Variants in PTMS observed in about 807,000 individuals in gnomAD.
The protein encoded by PTMS is parathymosin.
In PTMS, 5 loss-of-function variants were observed where a neutral mutation model predicts 18.4. The observed-to-expected ratio is 0.27, with a 90% CI of 0.14 to 0.57. The LOEUF (loss-of-function observed/expected upper bound fraction) is 0.57. Among genes scored for constraint, PTMS ranks in the 20% least tolerant of loss-of-function variants. PTMS has a pLI of 0.92. For synonymous variants in PTMS, 53 were observed against 47.7 expected, an observed-to-expected ratio of 1.11 and a Z score of -0.46; for missense variants, 93 against 124.6, an observed-to-expected ratio of 0.75 and a Z score of 1.21.
chr12:6,770,395 G>A lies in PTMS; in HGVS notation c.262G>A (p.Glu88Lys), dbSNP rs759424809. The A allele has an allele frequency of 1.9e-5, 31 of 1,613,298 alleles. No homozygotes were observed. The highest frequency in any genetic ancestry group is 2.6e-5 in the Non-Finnish European group (31 of 1,179,898). ...ALKRAAEEED[E>K]ADPKRQKTEN... is the part of the protein sequence containing the mutation. ...CCCATTCTCTCCCTCTCCACAGGAT[G>A]AAGCGGATCCCAAACGGCAGAAGAC... The change falls in exon 5 of 5, where the codon GAA (glutamate) becomes AAA (lysine). Residue 88 changes from glutamate (E) to lysine (K), a missense_variant. Physicochemically the swap from Glu to Lys is moderately conservative, Grantham distance 56 (BLOSUM62 1). Transcript: ENST00000309083. This position sits in a 1 kb window ranked among gnomAD's most constrained non-coding sequence, Gnocchi z 7.3.
intron 1 of PTMS, among the ~76,000 whole-genome samples, chr12:6,768,519 C>A (rs765686085): frequency 6.6e-6 from 1 of 152,166 alleles, no homozygotes; most frequent in Non-Finnish European, 1.5e-5. Context: ...AGGACCCCCC[C>A]GCCCAGGGTG....
chr12:6,766,957 G>A (rs1373091847), intron 1 of PTMS, among the ~76,000 whole-genome samples: 1 of 151,406 alleles, frequency 6.6e-6, no homozygotes, highest in Non-Finnish European at 1.5e-5. Flanking sequence ...TGCCCTGCGC[G>A]CACCACGGCG....
chr12:6,768,851 C>T (rs927584456), intron 1 of PTMS, among the ~76,000 whole-genome samples: 1 of 152,148 alleles, frequency 6.6e-6, no homozygotes, highest in African/African-American at 2.4e-5. Context: ...TTGTTTGTTG[C>T]TCTCTCCTTG....
At position 6,770,246 on chromosome 12, in the gene PTMS, G is replaced by T. The variant is rs760372682; in HGVS notation, c.258+28G>T. 1 of 1,613,740 alleles carries T rather than the reference G, an allele frequency of 6.2e-7. No individual in the cohort carries two copies. Among genetic ancestry groups the T allele is most frequent in the South Asian group, 1.1e-5 (1 of 91,070 alleles). On this transcript the variant is annotated intron_variant, in intron 4 of 4. Transcript: ENST00000309083. The surrounding 1 kb of genome is among the most constrained non-coding windows in gnomAD (Gnocchi z 7.3). ...TTGGGCTGGGTTGCTGGGCCTGAGG[G>T]GCTGTCAGGGATGCAGCCGGGCTGG...
At position 6,770,588 on chromosome 12, in the gene PTMS, C is replaced by T; in HGVS notation, c.*146C>T. 4.3e-6 allele frequency: 4 copies of T among 932,236 alleles called. No individual in the cohort carries two copies. The South Asian group carries it at 6.1e-5, about 14-fold the overall frequency. The allele number at this position is 932,236 out of a possible 1,614,324, so 57.7% of individuals were successfully genotyped here. A position where few individuals can be genotyped will look rare whatever the true frequency, so the allele number is the denominator to read the frequency against. ...CCCTCTTCTTTCTCCCCAGCCTTCTCATTTCCGCCTCTCCAGACACTGCGC... is the reference window on the plus strand; with the variant it reads ...CCCTCTTCTTTCTCCCCAGCCTTCTTATTTCCGCCTCTCCAGACACTGCGC... On this transcript the variant is annotated 3_prime_UTR_variant, in exon 5 of 5. Coordinates refer to ENST00000309083, the MANE Select transcript of PTMS (RefSeq NM_002824.6). This position sits in a 1 kb window ranked among gnomAD's most constrained non-coding sequence, Gnocchi z 7.3.
Position 6,769,685 on chromosome 12 carries a change from G to T in PTMS, c.117+11G>T, listed in dbSNP as rs767851017. 52 of 1,613,574 alleles carry T rather than the reference G, an allele frequency of 3.2e-5. No homozygotes were observed. In the African/African-American group the frequency reaches 3.7e-4, roughly 12 times the overall value. ...AAAGAAGTGGTGGAGGTGTGGAGGG[G>T]TGGGGGAGAGGACCACATCTGCCCT... is the stretch of plus-strand genomic sequence containing the variant. On this transcript the variant is annotated intron_variant, in intron 2 of 4. Coordinates refer to ENST00000309083, the MANE Select transcript of PTMS (RefSeq NM_002824.6).
intron 2 of PTMS, 113 bp downstream of exon 2, chr12:6,769,787 C>G: frequency 1.3e-6 from 2 of 1,596,404 alleles, no homozygotes; most frequent in South Asian, 2.2e-5. Context: ...TTCCCCTGAG[C>G]CCTGTCACCC....
intron 1 of PTMS, among the ~76,000 whole-genome samples, 192 bp downstream of exon 1, chr12:6,766,942 C>T (rs1941773445): frequency 6.6e-6 from 1 of 151,610 alleles, no homozygotes; most frequent in Non-Finnish European, 1.5e-5. Context: ...CCAGCGCCCT[C>T]TAGCTGCCCT....
rs4764621 is a variant in PTMS, at chr12:6,770,113, A to G, written c.197-44A>G. On this transcript the variant is annotated intron_variant, in intron 3 of 4. Coordinates refer to ENST00000309083, the MANE Select transcript of PTMS (RefSeq NM_002824.6). This position sits in a 1 kb window ranked among gnomAD's most constrained non-coding sequence, Gnocchi z 7.3. The stretch of plus-strand genomic sequence containing the variant: ...TGAGGGCGACCACGGGGGCTCTGCC[A>G]GAGCTTCCTGCCCTTCCCCAATGAC... 0.43 allele frequency: 698,682 copies of G among 1,612,298 alleles called. 157,860 individuals are homozygous for G. The highest frequency in any genetic ancestry group is 0.78 in the African/African-American group (58,335 of 74,926).
Position 6,770,042 on chromosome 12 carries a change from C to G in PTMS, c.196+43C>G. 1 of 1,574,688 alleles carries G rather than the reference C, an allele frequency of 6.4e-7. No homozygotes were observed. The highest frequency in any genetic ancestry group is 8.6e-7 in the Non-Finnish European group (1 of 1,160,758). ...AGGCTGGGCTGGCAAAGTCTGGGCT[C>G]AAAGGAGAGCAGAGTCAGGGTGGGT... On this transcript the variant is annotated intron_variant, in intron 3 of 4. Transcript: ENST00000309083. The surrounding 1 kb of genome is among the most constrained non-coding windows in gnomAD (Gnocchi z 7.3).
chr12:6,770,153 T>G lies in PTMS; in HGVS notation c.197-4T>G. 1 of 1,613,904 alleles carries G rather than the reference T, an allele frequency of 6.2e-7. No homozygotes were observed. The highest frequency in any genetic ancestry group is 2.2e-5 in the East Asian group (1 of 44,864). Reference sequence around the variant, plus strand: ...TCCCCAATGACCCATTTCTGGCTCCTCAGATGAGGAAGAAGAAGAAGAGGA... The same window carrying G: ...TCCCCAATGACCCATTTCTGGCTCCGCAGATGAGGAAGAAGAAGAAGAGGA... On this transcript the variant is annotated splice_polypyrimidine_tract_variant and splice_region_variant and intron_variant, in intron 3 of 4. Coordinates refer to ENST00000309083, the MANE Select transcript of PTMS (RefSeq NM_002824.6). The surrounding 1 kb of genome is among the most constrained non-coding windows in gnomAD (Gnocchi z 7.3).
At position 6,770,484 on chromosome 12, in the gene PTMS, T is replaced by TG; in HGVS notation, c.*44dup. On this transcript the variant is annotated 3_prime_UTR_variant, in exon 5 of 5. Coordinates refer to ENST00000309083, the MANE Select transcript of PTMS (RefSeq NM_002824.6). This position sits in a 1 kb window ranked among gnomAD's most constrained non-coding sequence, Gnocchi z 7.3. ...TGGGGTTGGGAGGCCTCTCTGGGCC[T>TG]GGAGGTGGGGGTGGGGGCAGCCAAG... 2.9e-6 allele frequency: 4 copies of TG among 1,371,076 alleles called. No homozygotes were observed. The highest frequency in any genetic ancestry group is 3.7e-5 in the African/African-American group (2 of 54,200). The allele number at this position is 1,371,076 out of a possible 1,614,324, so 84.9% of individuals were successfully genotyped here.
Position 6,769,641 on chromosome 12 carries a change from A to C in PTMS, c.84A>C (p.Ala28=). 1 of 1,614,138 alleles carries C rather than the reference A, an allele frequency of 6.2e-7. No homozygotes were observed. The highest frequency in any genetic ancestry group is 1.3e-5 in the African/African-American group (1 of 75,036). ...KEKKEKVEEK[A]SRKERKKEVV... ...AGAAGGAGAAGGTGGAGGAGAAGGC[A>C]AGCCGGAAAGAGCGAAAGAAAGAAG... is the stretch of plus-strand genomic sequence containing the variant. The change falls in exon 2 of 5, where the codon GCA becomes GCC. Residue 28 remains alanine (A), a synonymous_variant. Coordinates refer to ENST00000309083, the MANE Select transcript of PTMS (RefSeq NM_002824.6).
rs925544505 is a variant in PTMS at position 6,766,682 on chromosome 12, AGCCCCGGCCCCG to A, written c.-15_-4del. On this transcript the variant is annotated 5_prime_UTR_variant, in exon 1 of 5. Coordinates refer to ENST00000309083, the MANE Select transcript of PTMS (RefSeq NM_002824.6). The stretch of plus-strand genomic sequence containing the variant: ...GGCCCCGGGACCCCGGCTCCCCGCC[AGCCCCGGCCCCG>A]GCCCCGGCACCATGTCGGAGAAAAG... 2 of 1,116,828 alleles carry A rather than the reference AGCCCCGGCCCCG, an allele frequency of 1.8e-6. No individual in the cohort carries two copies. Among genetic ancestry groups the A allele is most frequent in the East Asian group, 7.0e-5 (1 of 14,284 alleles). The allele number at this position is 1,116,828 out of a possible 1,614,324, so 69.2% of individuals were successfully genotyped here. A position where few individuals can be genotyped will look rare whatever the true frequency, so the allele number is the denominator to read the frequency against.
chr12:6,769,247 G>T (rs1941807880), intron 1 of PTMS: 3 of 298,752 alleles, frequency 1.0e-5, no homozygotes, highest in Non-Finnish European at 1.9e-5. Context: ...ACAGGAGGGG[G>T]CGGGGCACTG....
chr12:6,766,512 C>T lies in PTMS; in HGVS notation c.-194C>T, dbSNP rs1382457869. 4.1e-6 allele frequency: 1 copy of T among 246,450 alleles called. No homozygotes were observed. Among genetic ancestry groups the T allele is most frequent in the Non-Finnish European group, 8.2e-6 (1 of 121,232 alleles). 15.3% of individuals were successfully genotyped at this position (246,450 alleles called of 1,614,324 possible). A position where few individuals can be genotyped will look rare whatever the true frequency, so the allele number is the denominator to read the frequency against. ...CTGCGGGTCTCCGCTCCAGACCCAC[C>T]CCCGCCCCACCCCGCGCGCCTCTGC... On this transcript the variant is annotated 5_prime_UTR_variant, in exon 1 of 5. Coordinates refer to ENST00000309083, the MANE Select transcript of PTMS (RefSeq NM_002824.6).
chr12:6,769,813 G>A, intron 2 of PTMS, 108 bp from the exon 3 acceptor site: 4 of 1,607,310 alleles, frequency 2.5e-6, no homozygotes, highest in South Asian at 1.1e-5. Flanking sequence ...GCCCCACCCT[G>A]TGGCCCATCC....
Position 6,770,707 on chromosome 12 carries a change from C to G in PTMS, c.*265C>G. On this transcript the variant is annotated 3_prime_UTR_variant, in exon 5 of 5. Transcript: ENST00000309083. This position sits in a 1 kb window ranked among gnomAD's most constrained non-coding sequence, Gnocchi z 7.3. ...AATTGCTCCTCTCTCTCTTTGCTCT[C>G]TTTCTCCCTCCCCTACCAGCCTCAT... 1.2e-5 allele frequency: 7 copies of G among 564,690 alleles called. No individual in the cohort carries two copies. In the South Asian group the frequency reaches 1.4e-4, roughly 12 times the overall value. The allele number at this position is 564,690 out of a possible 1,614,324, so 35.0% of individuals were successfully genotyped here.
Position 6,770,495 on chromosome 12 carries a change from G to GGCCC in PTMS, c.*53_*54insGCCC. 1 of 1,578,064 alleles carries GGCCC rather than the reference G, an allele frequency of 6.3e-7. No homozygotes were observed. The highest frequency in any genetic ancestry group is 8.7e-7 in the Non-Finnish European group (1 of 1,148,592). The stretch of plus-strand genomic sequence containing the variant: ...GGCCTCTCTGGGCCTGGAGGTGGGG[G>GGCCC]TGGGGGCAGCCAAGTCCAGCCACTC... On this transcript the variant is annotated 3_prime_UTR_variant, in exon 5 of 5. Transcript: ENST00000309083. The surrounding 1 kb of genome is among the most constrained non-coding windows in gnomAD (Gnocchi z 7.3).
Sources: gnomAD v4.1 joint callset for allele counts (sites outside exome capture counted in the v4.1 genomes callset) on GRCh38, gnomAD v4.1.1 for gene constraint, Gnocchi (gnomAD v3.1) non-coding constraint, MANE v1.5 for transcripts, NCBI Gene and HGNC (gene_info 2026-07-23, HGNC 2026-07-21) for gene names.